The following MMP16 variants were observed in gnomAD, a reference collection of about 807,000 sequenced individuals.
MMP16 encodes the protein matrix metalloproteinase-16.
In MMP16, 12 loss-of-function variants were observed where a neutral mutation model predicts 67.8. The observed-to-expected ratio is 0.18, with a 90% confidence interval of 0.11 to 0.29. The LOEUF is 0.29. Ranked by LOEUF, MMP16 falls within the 10% of genes least tolerant of loss-of-function variation. The pLI, the probability that MMP16 is intolerant of heterozygous loss-of-function variation, is 1.00. For synonymous variants in MMP16, 249 were observed against 255.9 expected (o/e 0.97, Z 0.26); for missense variants, 475 against 765.7 (o/e 0.62, Z 4.48).
chr8:88,310,818 T>A (rs1474365900), intron 1 of MMP16, among the ~76,000 whole-genome samples: 1 of 152,166 alleles, frequency 6.6e-6, no homozygotes. Flanking sequence ...CCCTTAAATT[T>A]TTCTACTAGC....
chr8:88,175,790 T>C (rs559623383), intron 3 of MMP16, among the ~76,000 whole-genome samples: 1 of 152,224 alleles, frequency 6.6e-6, no homozygotes, highest in South Asian at 2.1e-4. Flanking sequence ...CCGTGGGAGG[T>C]AATTGAATCA....
At chr8:88,182,923 G>A (rs187390107) in intron 3 of MMP16, among the ~76,000 whole-genome samples, 35 of 152,044 alleles carry the variant, frequency 2.3e-4, no homozygotes, top group Middle Eastern at 3.4e-3. Flanking sequence ...AACCTTACGA[G>A]CCTATTGCCA....
chr8:88,277,666 G>C (rs1260561429), intron 1 of MMP16, among the ~76,000 whole-genome samples: 1 of 152,128 alleles, frequency 6.6e-6, no homozygotes, highest in Non-Finnish European at 1.5e-5. Flanking sequence ...CTAAAAATTA[G>C]GTTATCAAGT....
rs180683098 is a variant in MMP16, at chr8:88,051,009, A to C, written c.1374-4225T>G. Among the ~76,000 whole-genome samples the C allele has an allele frequency of 4.9e-4, 75 of 152,326 alleles. No homozygotes were observed. The East Asian group carries it at 0.014, about 29-fold the overall frequency. ...GCATTTTTCCCTCTCCTAGCAGATA[A>C]TGCAAAACAATAATTTAGGATCATT... On this transcript the variant is annotated intron_variant, in intron 8 of 9. Transcript: ENST00000286614.
At chr8:88,114,894 G>A (rs759869526) in intron 6 of MMP16, among the ~76,000 whole-genome samples, 1 of 151,858 alleles carries the variant, frequency 6.6e-6, no homozygotes, top group Non-Finnish European at 1.5e-5. Context: ...TCTGATCCAT[G>A]TACTTTTTAT....
intron 6 of MMP16, 41 bp downstream of exon 6, chr8:88,116,466 C>T (rs1290557360): frequency 2.0e-6 from 3 of 1,533,124 alleles, no homozygotes; most frequent in Admixed American, 1.7e-5. Context: ...ACACTAGACA[C>T]TTGATCTACT....
rs28907576 is a variant in MMP16 at position 88,187,375 on chromosome 8, A to G, written c.282-777T>C. 3.7e-3 allele frequency among the ~76,000 whole-genome samples: 562 copies of G among 152,210 alleles called. 4 individuals carry two copies. Among genetic ancestry groups the G allele is most frequent in the African/African-American group, 0.013 (532 of 41,550 alleles). ...TCATTGGACCACTGTCACATTTTCT[A>G]TCTATTCTTGCATCTTATCTAAGTA... On this transcript the variant is annotated intron_variant, in intron 2 of 9. Coordinates refer to ENST00000286614, the MANE Select transcript of MMP16 (RefSeq NM_005941.5).
chr8:88,209,626 T>A (rs1386144778), intron 1 of MMP16, among the ~76,000 whole-genome samples: 1 of 6,788 alleles, frequency 1.5e-4, no homozygotes, highest in Non-Finnish European at 3.7e-4. Context: ...TATTTGACTG[T>A]ATGTATTCTA....
intron 4 of MMP16, among the ~76,000 whole-genome samples, chr8:88,127,179 T>C (rs974016607): frequency 2.0e-5 from 3 of 151,874 alleles, no homozygotes; most frequent in Admixed American, 1.3e-4. Flanking sequence ...TTGAGAAATA[T>C]ACTGGGCTCA....
At chr8:88,317,904 T>C (rs1408373736) in intron 1 of MMP16, among the ~76,000 whole-genome samples, 1 of 152,144 alleles carries the variant, frequency 6.6e-6, no homozygotes, top group African/African-American at 2.4e-5. Context: ...TCAATAACAT[T>C]TGAGACACCT....
At chr8:88,093,021 C>T (rs1808964395) in intron 6 of MMP16, among the ~76,000 whole-genome samples, 1 of 151,682 alleles carries the variant, frequency 6.6e-6, no homozygotes, top group Non-Finnish European at 1.5e-5. Context: ...CTAAGGAAAT[C>T]CAGTATAAAC....
At chr8:88,219,522 CT>C (rs1353546111) in intron 1 of MMP16, among the ~76,000 whole-genome samples, 1 of 152,014 alleles carries the variant, frequency 6.6e-6, no homozygotes, top group Non-Finnish European at 1.5e-5. Flanking sequence ...AGAATGCATG[CT>C]TTATTCTTCT....
At chr8:88,065,073 T>G (rs1808446804) in intron 7 of MMP16, among the ~76,000 whole-genome samples, 1 of 152,082 alleles carries the variant, frequency 6.6e-6, no homozygotes, top group African/African-American at 2.4e-5. Flanking sequence ...TGCATGTGAG[T>G]CCTCTAAGAG....
At chr8:88,158,307 A>G (rs977206691) in intron 4 of MMP16, among the ~76,000 whole-genome samples, 24 of 152,174 alleles carry the variant, frequency 1.6e-4, no homozygotes, top group East Asian at 7.7e-4. Context: ...AAGTGTTCCT[A>G]TTTCTCCACA....
chr8:88,061,202 T>C (rs1759610002), intron 7 of MMP16, among the ~76,000 whole-genome samples: 1 of 150,502 alleles, frequency 6.6e-6, no homozygotes, highest in Non-Finnish European at 1.5e-5. Flanking sequence ...ATCACTTCCT[T>C]GCCAGAGTCA....
At chr8:88,051,754 T>C (rs1025217865) in intron 8 of MMP16, among the ~76,000 whole-genome samples, 1 of 152,180 alleles carries the variant, frequency 6.6e-6, no homozygotes, top group Non-Finnish European at 1.5e-5. Flanking sequence ...GTTATTTTTA[T>C]TTGAAAATAC....
At chr8:88,282,157 C>T (rs1024048720) in intron 1 of MMP16, among the ~76,000 whole-genome samples, 9 of 150,672 alleles carry the variant, frequency 6.0e-5, no homozygotes, top group Non-Finnish European at 1.0e-4. Context: ...TCACTGCTAC[C>T]TCCGCCTCCC....
intron 1 of MMP16, among the ~76,000 whole-genome samples, chr8:88,253,224 T>C (rs1287291345): frequency 6.6e-6 from 1 of 152,098 alleles, no homozygotes; most frequent in Non-Finnish European, 1.5e-5. Context: ...CTTCCATACA[T>C]ATTTTCTCAT....
In MMP16 at chr8:88,040,302, A is replaced by C. The variant is rs1195410096; in HGVS notation, c.*1159T>G. ...TTATGTAGTCTTGTAAATCATTTAA[A>C]AATTATATGACATTATAGGATATCT... On this transcript the variant is annotated 3_prime_UTR_variant, in exon 10 of 10. Coordinates refer to ENST00000286614, the MANE Select transcript of MMP16 (RefSeq NM_005941.5). 1 of 152,618 alleles carries C rather than the reference A, an allele frequency of 6.6e-6. No homozygotes were observed. The highest frequency in any genetic ancestry group is 1.5e-5 in the Non-Finnish European group (1 of 68,034). 9.5% of individuals were successfully genotyped at this position (152,618 alleles called of 1,614,324 possible).
Sources: gnomAD v4.1 joint callset for allele counts (sites outside exome capture counted in the v4.1 genomes callset) on GRCh38, gnomAD v4.1.1 for gene constraint, MANE v1.5 for transcripts, NCBI Gene and HGNC (gene_info 2026-07-23, HGNC 2026-07-21) for gene names.